Variants in EFHC2 observed in about 807,000 individuals in gnomAD.
EFHC2 encodes EF-hand domain-containing family member C2.
A neutral mutation model predicts 52.7 loss-of-function variants in EFHC2; 18 were observed. The ratio of observed to expected loss-of-function variants is 0.34; its 90% CI spans 0.24 to 0.51. The LOEUF (loss-of-function observed/expected upper bound fraction) is 0.51, where lower values mean the gene tolerates loss of function less well. Among genes scored for constraint, EFHC2 ranks in the 20% least tolerant of loss-of-function variants. EFHC2 has a pLI of 0.97. For synonymous variants in EFHC2, 203 were observed against 204.1 expected, an observed-to-expected ratio of 0.99 and a Z score of 0.04; for missense variants, 513 against 562.5, an observed-to-expected ratio of 0.91 and a Z score of 0.89.
chrX:44,258,656 A>G (rs55795224), intron 4 of EFHC2, among the ~76,000 whole-genome samples: 3,023 of 109,842 alleles, frequency 0.028, 102 homozygotes, highest in African/African-American at 0.096. Context: ...TTCAATACCA[A>G]CCTGGCCAAG....
chrX:44,199,028 A>G (rs1308734302), intron 11 of EFHC2, among the ~76,000 whole-genome samples: 2 of 112,493 alleles, frequency 1.8e-5, no homozygotes. Flanking sequence ...CCCACTTACT[A>G]TATAAAGCTC....
At chrX:44,275,526 C>A in intron 2 of EFHC2, among the ~76,000 whole-genome samples, 1 of 109,859 alleles carries the variant, frequency 9.1e-6, no homozygotes, top group Non-Finnish European at 1.9e-5. Flanking sequence ...AAAACAGAAC[C>A]TAAAATAAAA....
intron 2 of EFHC2, among the ~76,000 whole-genome samples, chrX:44,283,283 C>T (rs1000912467): frequency 1.8e-5 from 2 of 111,598 alleles, no homozygotes; most frequent in African/African-American, 6.5e-5. Context: ...CCCAGGTTCA[C>T]GCCATTCTCC....
rs1282008123 is a variant in EFHC2, at chrX:44,343,663, T to TC, written c.-76_-75insG. On this transcript the variant is annotated 5_prime_UTR_variant, in exon 1 of 15. Transcript: ENST00000420999. ...GCAGCGGCGCCTCCCGGCCGTGTTG[T>TC]TTGGCCCCCACGTTGCCTGGAGACG... 3.6e-6 allele frequency: 4 copies of TC among 1,112,186 alleles called. No individual in the cohort carries two copies. The highest frequency in any genetic ancestry group is 4.8e-6 in the Non-Finnish European group (4 of 826,920). The allele number at this position is 1,112,186 out of a possible 1,213,427, so 91.7% of individuals were successfully genotyped here. A position where few individuals can be genotyped will look rare whatever the true frequency, so the allele number is the denominator to read the frequency against.
rs961985160 is a variant in EFHC2, at chrX:44,209,047, G to C, written c.1751+20602C>G. Among the ~76,000 whole-genome samples the C allele has an allele frequency of 1.9e-3, 146 of 75,043 alleles. 1 individual carries two copies. Among genetic ancestry groups the C allele is most frequent in the African/African-American group, 6.3e-3 (134 of 21,292 alleles). 65.2% of individuals were successfully genotyped at this position (75,043 alleles called of 115,157 possible). ...TGTGTGTGTGTGTGTGTGTGTGTGTGTGTGTGTGTGTGTGTGTGTGTGTGT... is the reference window on the plus strand; with the variant it reads ...TGTGTGTGTGTGTGTGTGTGTGTGTCTGTGTGTGTGTGTGTGTGTGTGTGT... On this transcript the variant is annotated intron_variant, in intron 11 of 14. Coordinates refer to ENST00000420999, the MANE Select transcript of EFHC2 (RefSeq NM_025184.4).
chrX:44,178,467 T>A lies in EFHC2; in HGVS notation c.1849A>T (p.Met617Leu). The A allele has an allele frequency of 3.3e-6, 4 of 1,207,806 alleles. No homozygotes were observed. The highest frequency in any genetic ancestry group is 4.5e-6 in the Non-Finnish European group (4 of 893,562). ...YRVPEGTCSD[M>L]DFLIALAHEK... ...TGGGCCAGTGCGATTAAGAAATCCA[T>A]ATCTGAACATGTGCCCTCAGGCACA... The change falls in exon 12 of 15, where the codon ATG (methionine) becomes TTG (leucine). Residue 617 changes from methionine to leucine, a missense_variant. Transcript: ENST00000420999.
At chrX:44,278,680 A>C (rs928321516) in intron 2 of EFHC2, among the ~76,000 whole-genome samples, 5 of 111,464 alleles carry the variant, frequency 4.5e-5, no homozygotes, top group African/African-American at 1.6e-4. Flanking sequence ...CCCTATACCC[A>C]GAGGAAAGGA....
intron 11 of EFHC2, among the ~76,000 whole-genome samples, chrX:44,224,193 T>C (rs2037214734): frequency 8.9e-6 from 1 of 112,223 alleles, no homozygotes; most frequent in Non-Finnish European, 1.9e-5. Context: ...TGAGTAAATA[T>C]AAAGCTTATT....
intron 3 of EFHC2, among the ~76,000 whole-genome samples, chrX:44,265,966 C>A (rs912825324): frequency 2.7e-5 from 3 of 111,859 alleles, no homozygotes; most frequent in African/African-American, 9.8e-5. Flanking sequence ...AGTAACCCTA[C>A]GCATCTCCCC....
chrX:44,289,622 T>A (rs1348608655), intron 2 of EFHC2, among the ~76,000 whole-genome samples: 1 of 109,714 alleles, frequency 9.1e-6, no homozygotes, highest in Non-Finnish European at 1.9e-5. Flanking sequence ...TCTTTTTTAT[T>A]TTCTCTGGTA....
rs1354651727 is a variant in EFHC2 at position 44,148,886 on chromosome X, T to C, written c.2159A>G (p.Asp720Gly). The C allele has an allele frequency of 2.6e-6, 3 of 1,172,694 alleles. No homozygotes were observed. Among genetic ancestry groups the C allele is most frequent in the Non-Finnish European group, 3.4e-6 (3 of 875,044 alleles). The change falls in exon 15 of 15, where the codon GAT becomes GGT. Residue 720 changes from aspartate to glycine, a missense_variant. By Grantham distance (94) the Asp-to-Gly change is moderately conservative. Transcript: ENST00000420999. ...PASYLKERCEDVWLGMPSPIP... is the reference protein window; with the variant it reads ...PASYLKERCEGVWLGMPSPIP... ...AGGTGATGGCATACCAAGCCAAACATCTTCACATCTCTAGAAAAAAACCAA... is the reference window on the plus strand; with the variant it reads ...AGGTGATGGCATACCAAGCCAAACACCTTCACATCTCTAGAAAAAAACCAA...
At chrX:44,259,253 T>C (rs138927536) in intron 4 of EFHC2, among the ~76,000 whole-genome samples, 102 of 111,555 alleles carry the variant, frequency 9.1e-4, no homozygotes, top group African/African-American at 3.1e-3. Flanking sequence ...TGCAGGGACA[T>C]GGATGAAGTT....
At chrX:44,279,375 A>C (rs1045306763) in intron 2 of EFHC2, among the ~76,000 whole-genome samples, 3 of 112,099 alleles carry the variant, frequency 2.7e-5, no homozygotes, top group African/African-American at 9.7e-5. Flanking sequence ...AAAAAGCAAA[A>C]ATTTGTCATA....
chrX:44,283,036 G>T (rs2037719714), intron 2 of EFHC2, among the ~76,000 whole-genome samples: 1 of 111,504 alleles, frequency 9.0e-6, no homozygotes, highest in South Asian at 3.8e-4. Flanking sequence ...TCCTCCAGCT[G>T]GCCGTTGGGG....
At chrX:44,296,624 A>C (rs1178949444) in intron 2 of EFHC2, among the ~76,000 whole-genome samples, 3 of 111,917 alleles carry the variant, frequency 2.7e-5, no homozygotes, top group African/African-American at 9.7e-5. Context: ...TAGGCATGTA[A>C]ATACAGTTGT....
intron 8 of EFHC2, among the ~76,000 whole-genome samples, chrX:44,239,731 T>C (rs1487221165): frequency 1.8e-5 from 2 of 112,164 alleles, no homozygotes; most frequent in Non-Finnish European, 1.9e-5. Flanking sequence ...TAGTAACCAC[T>C]AATGGCTTAT....
chrX:44,249,340 CTT>C (rs1423185940), intron 5 of EFHC2, among the ~76,000 whole-genome samples: 1 of 111,573 alleles, frequency 9.0e-6, no homozygotes, highest in East Asian at 2.8e-4. Context: ...TAAGAAGACA[CTT>C]TATCCAAATA....
intron 11 of EFHC2, among the ~76,000 whole-genome samples, chrX:44,226,349 G>A (rs886694677): frequency 2.7e-5 from 3 of 111,298 alleles, no homozygotes; most frequent in East Asian, 2.8e-4. Context: ...GTTCCCAGAG[G>A]TAGTTCAAGA....
At chrX:44,337,112 A>T (rs1253154594) in intron 1 of EFHC2, among the ~76,000 whole-genome samples, 1 of 111,859 alleles carries the variant, frequency 8.9e-6, no homozygotes, top group Non-Finnish European at 1.9e-5. Context: ...ATCTTAGCCT[A>T]CTTTTTGAAA....
Sources: allele counts gnomAD v4.1 joint callset (sites outside exome capture counted in the v4.1 genomes callset), GRCh38; gene constraint gnomAD v4.1.1; transcripts MANE v1.5; gene names NCBI Gene and HGNC (gene_info 2026-07-23, HGNC 2026-07-21).